Variants in KIF6 observed in about 807,000 individuals in gnomAD.
KIF6 encodes the protein kinesin family member 6.
Under a neutral mutation model 112.7 loss-of-function variants are expected in KIF6, and 106 were observed. That is an observed-to-expected ratio of 0.94 (90% CI 0.80 to 1.11). The LOEUF is 1.11. KIF6 is among the 50% of genes least tolerant of loss of function. The probability of loss-of-function intolerance (pLI) is 0.00; values close to 1 mark genes in which losing one functional copy is unlikely to be tolerated. For missense variants in KIF6, 929 were observed against 964.0 expected (o/e 0.96, Z 0.48); for synonymous variants, 339 against 339.9 (o/e 1.00, Z 0.03).
At chr6:39,454,503 T>A (rs1196167195) in intron 13 of KIF6, among the ~76,000 whole-genome samples, 1 of 148,750 alleles carries the variant, frequency 6.7e-6, no homozygotes, top group Non-Finnish European at 1.5e-5. Context: ...AACTCTTTCC[T>A]TAGATATAAT....
At chr6:39,479,054 C>A (rs1774629915) in intron 13 of KIF6, among the ~76,000 whole-genome samples, 1 of 151,840 alleles carries the variant, frequency 6.6e-6, no homozygotes, top group Admixed American at 6.6e-5. Context: ...GTGTGTTGTC[C>A]GTTTACTCTG....
intron 13 of KIF6, among the ~76,000 whole-genome samples, chr6:39,440,025 A>C (rs1221705842): frequency 1.3e-5 from 2 of 152,206 alleles, no homozygotes; most frequent in Non-Finnish European, 2.9e-5. Context: ...GTCGGAGCCA[A>C]AAATATATTT....
chr6:39,342,903 G>A lies in KIF6; in HGVS notation c.2428+806C>T. ...TGCAGGCGCCACAGGGCAGGCATCAGTCATTATACATCGAATCTGCCAGCC... is the reference window on the plus strand; with the variant it reads ...TGCAGGCGCCACAGGGCAGGCATCAATCATTATACATCGAATCTGCCAGCC... On this transcript the variant is annotated intron_variant, in intron 22 of 22. Transcript: ENST00000287152. The surrounding 1 kb of genome is among the most constrained non-coding windows in gnomAD (Gnocchi z 4.7). The A allele has an allele frequency of 1.0e-6, 1 of 985,430 alleles. No individual in the cohort carries two copies. The highest frequency in any genetic ancestry group is 1.2e-6 in the Non-Finnish European group (1 of 829,936). 61.0% of individuals were successfully genotyped at this position (985,430 alleles called of 1,614,324 possible). A position where few individuals can be genotyped will look rare whatever the true frequency, so the allele number is the denominator to read the frequency against.
At chr6:39,424,992 C>G (rs1330932733) in intron 14 of KIF6, among the ~76,000 whole-genome samples, 2 of 152,158 alleles carry the variant, frequency 1.3e-5, no homozygotes, top group Non-Finnish European at 2.9e-5. Context: ...TCCCATCCTG[C>G]TGTGGGGTGT....
chr6:39,622,687 G>T (rs898760457), intron 5 of KIF6, among the ~76,000 whole-genome samples: 1 of 152,186 alleles, frequency 6.6e-6, no homozygotes. Context: ...AACTAAGGCT[G>T]CCCATATCAC....
At chr6:39,487,941 G>A (rs1775217039) in intron 13 of KIF6, among the ~76,000 whole-genome samples, 1 of 150,532 alleles carries the variant, frequency 6.6e-6, no homozygotes, top group African/African-American at 2.4e-5. Context: ...TTTGGCATTT[G>A]GCCAAGATAT....
At chr6:39,710,756 AAT>A (rs1409918997) in intron 3 of KIF6, among the ~76,000 whole-genome samples, 1 of 152,166 alleles carries the variant, frequency 6.6e-6, no homozygotes, top group Non-Finnish European at 1.5e-5. Flanking sequence ...AAGGTCCAGA[AAT>A]AAAGAATAGA....
Position 39,496,208 on chromosome 6 carries a change from C to G in KIF6, c.1645+43795G>C, listed in dbSNP as rs537212711. Among the ~76,000 whole-genome samples, 5 of 152,244 alleles carry G rather than the reference C, an allele frequency of 3.3e-5. No individual in the cohort carries two copies. In the South Asian group the frequency reaches 6.2e-4, roughly 19 times the overall value. On this transcript the variant is annotated intron_variant, in intron 13 of 22. Coordinates refer to ENST00000287152, the MANE Select transcript of KIF6 (RefSeq NM_145027.6). ...CCCACTATCTACCGACAGAGATCTA[C>G]CTAAAGTCCCTCAGATTTCACTGTC...
intron 1 of KIF6, among the ~76,000 whole-genome samples, chr6:39,723,697 G>A (rs1790360262): frequency 6.6e-6 from 1 of 152,142 alleles, no homozygotes; most frequent in Admixed American, 6.5e-5. Context: ...TGAACAATGA[G>A]AACGCATGCA....
intron 13 of KIF6, among the ~76,000 whole-genome samples, chr6:39,451,844 A>ATAT (rs1301394400): frequency 1.3e-5 from 2 of 152,160 alleles, no homozygotes; most frequent in Admixed American, 6.5e-5. Flanking sequence ...CATATTAGGT[A>ATAT]GTCATAATAT....
intron 10 of KIF6, among the ~76,000 whole-genome samples, chr6:39,574,373 C>A (rs1328670981): frequency 6.6e-6 from 1 of 152,110 alleles, no homozygotes; most frequent in African/African-American, 2.4e-5. Context: ...GGGTGCTATC[C>A]TTTCGGTCTG....
rs566393837 is a variant in KIF6 at position 39,513,847 on chromosome 6, G to A, written c.1645+26156C>T. Among the ~76,000 whole-genome samples the A allele has an allele frequency of 9.2e-5, 14 of 152,108 alleles. No homozygotes were observed. In the East Asian group the frequency reaches 2.7e-3, roughly 29 times the overall value. Reference sequence around the variant, plus strand: ...AATAATAACAAGGTTTGAATGTGTGGGTTTCTAAACAACTTTTGGCCAACC... The same window carrying A: ...AATAATAACAAGGTTTGAATGTGTGAGTTTCTAAACAACTTTTGGCCAACC... On this transcript the variant is annotated intron_variant, in intron 13 of 22. Coordinates refer to ENST00000287152, the MANE Select transcript of KIF6 (RefSeq NM_145027.6).
chr6:39,549,541 C>G (rs1055750180), intron 10 of KIF6, among the ~76,000 whole-genome samples: 2 of 152,162 alleles, frequency 1.3e-5, no homozygotes, highest in Non-Finnish European at 2.9e-5. Context: ...ACTTACCATA[C>G]TATAACAAAG....
At chr6:39,454,859 G>A (rs931065226) in intron 13 of KIF6, among the ~76,000 whole-genome samples, 2 of 152,156 alleles carry the variant, frequency 1.3e-5, no homozygotes, top group Non-Finnish European at 1.5e-5. Flanking sequence ...CACCTGGCTC[G>A]GAGGGTCCTA....
intron 14 of KIF6, among the ~76,000 whole-genome samples, chr6:39,428,624 G>A (rs1770930181): frequency 6.6e-6 from 1 of 152,114 alleles, no homozygotes; most frequent in Admixed American, 6.5e-5. Context: ...TGTGGGTAAA[G>A]TATGCTAAAG....
At chr6:39,509,507 T>G (rs1012758035) in intron 13 of KIF6, among the ~76,000 whole-genome samples, 1 of 152,290 alleles carries the variant, frequency 6.6e-6, no homozygotes, top group Admixed American at 6.5e-5. Flanking sequence ...AATGGCTAAC[T>G]AGAATAGCCA....
rs34954562 is a variant in KIF6 at position 39,641,674 on chromosome 6, C to CA, written c.252-1918dup. ...TAAAAAAAAGCCACTGCCAAGGAAA[C>CA]AAAAAAAAAAGGAAAAAACTACAGA... On this transcript the variant is annotated intron_variant, in intron 3 of 22. Coordinates refer to ENST00000287152, the MANE Select transcript of KIF6 (RefSeq NM_145027.6). Among the ~76,000 whole-genome samples the CA allele has an allele frequency of 1.2e-3, 168 of 143,428 alleles. No individual in the cohort carries two copies. In the Middle Eastern group the frequency reaches 0.014, roughly 12 times the overall value. The allele number at this position is 143,428 out of a possible 152,430, so 94.1% of individuals were successfully genotyped here.
At chr6:39,660,154 T>G (rs1336679177) in intron 3 of KIF6, among the ~76,000 whole-genome samples, 1 of 152,102 alleles carries the variant, frequency 6.6e-6, no homozygotes, top group Non-Finnish European at 1.5e-5. Flanking sequence ...CTAAAATAAT[T>G]TTTAAAAATT....
intron 3 of KIF6, among the ~76,000 whole-genome samples, chr6:39,649,787 C>G (rs372024544): frequency 2.0e-5 from 3 of 149,196 alleles, no homozygotes; most frequent in African/African-American, 7.5e-5. Flanking sequence ...AGAAACTAAA[C>G]TAAATATCAG....
Sources: allele counts gnomAD v4.1 joint callset (sites outside exome capture counted in the v4.1 genomes callset), GRCh38; gene constraint gnomAD v4.1.1; non-coding constraint Gnocchi (gnomAD v3.1); transcripts MANE v1.5; gene names NCBI Gene and HGNC (gene_info 2026-07-23, HGNC 2026-07-21).